The following CIT variants were observed in gnomAD, a reference collection of about 807,000 sequenced individuals.
CIT encodes citron rho-interacting serine/threonine kinase.
In CIT, 79 loss-of-function variants were observed where a neutral mutation model predicts 272.7. The observed-to-expected ratio is 0.29, with a 90% CI of 0.24 to 0.35. The LOEUF (loss-of-function observed/expected upper bound fraction) is 0.35. Among genes scored for constraint, CIT ranks in the 10% least tolerant of loss-of-function variants. CIT has a pLI of 1.00. For missense variants in CIT, 1,909 were observed against 2,618.3 expected (o/e 0.73, Z 5.91); for synonymous variants, 948 against 995.6 (o/e 0.95, Z 0.90).
At chr12:119,736,388 T>A (rs887084186) in intron 24 of CIT, among the ~76,000 whole-genome samples, 2 of 151,768 alleles carry the variant, frequency 1.3e-5, no homozygotes, top group Non-Finnish European at 2.9e-5. Flanking sequence ...ATTATCAATT[T>A]AAAAAAAAAT....
chr12:119,721,946 C>T (rs1318852862), intron 28 of CIT, among the ~76,000 whole-genome samples: 1 of 152,134 alleles, frequency 6.6e-6, no homozygotes, highest in African/African-American at 2.4e-5. Context: ...ATAAAGGTCC[C>T]ATTAGGGTAA....
chr12:119,849,848 G>T (rs1158313181), intron 5 of CIT, among the ~76,000 whole-genome samples: 2 of 152,026 alleles, frequency 1.3e-5, no homozygotes, highest in Non-Finnish European at 2.9e-5. Context: ...ACCATGCCCG[G>T]CTAATTTTTC....
intron 47 of CIT, among the ~76,000 whole-genome samples, 181 bp downstream of exon 47, chr12:119,689,970 C>T (rs1005632836): frequency 2.0e-5 from 3 of 152,324 alleles, no homozygotes; most frequent in South Asian, 4.1e-4. Flanking sequence ...TGAGCCACCA[C>T]GCCCGGCCAG....
In CIT at chr12:119,804,328, G is replaced by A; in HGVS notation, c.1112-939C>T. On this transcript the variant is annotated intron_variant, in intron 9 of 47. Transcript: ENST00000392521. This position sits in a 1 kb window ranked among gnomAD's most constrained non-coding sequence, Gnocchi z 5.3. ...TGTCCCCCGCCAGAAACGTTACCAT[G>A]GTTGCAAGCTGAGGCGTCCGTGGCG... 5 of 985,590 alleles carry A rather than the reference G, an allele frequency of 5.1e-6. No individual in the cohort carries two copies. Among genetic ancestry groups the A allele is most frequent in the Non-Finnish European group, 6.0e-6 (5 of 830,032 alleles). The allele number at this position is 985,590 out of a possible 1,614,324, so 61.1% of individuals were successfully genotyped here.
chr12:119,708,381 T>C, intron 39 of CIT, 63 bp from the exon 40 acceptor site: 1 of 1,406,412 alleles, frequency 7.1e-7, no homozygotes, highest in Non-Finnish European at 9.4e-7. Flanking sequence ...TACGGGATGG[T>C]GGTTCTAGTT....
intron 4 of CIT, among the ~76,000 whole-genome samples, chr12:119,852,676 G>A (rs1970305394): frequency 6.6e-6 from 1 of 151,656 alleles, no homozygotes; most frequent in South Asian, 2.1e-4. Flanking sequence ...ACTCTAGCCT[G>A]GGTGACAGAG....
At chr12:119,775,757 A>T in intron 16 of CIT, 29 bp downstream of exon 16, 1 of 1,582,452 alleles carries the variant, frequency 6.3e-7, no homozygotes, top group African/African-American at 1.3e-5. Flanking sequence ...GGTGGGGGGT[A>T]AGTTCCTGAA....
At chr12:119,751,677 T>C (rs1304081953) in intron 23 of CIT, among the ~76,000 whole-genome samples, 1 of 149,546 alleles carries the variant, frequency 6.7e-6, no homozygotes, top group African/African-American at 2.5e-5. Context: ...GAAAAACTAC[T>C]ATAAGATTAT....
chr12:119,789,993 G>A (rs769626404), intron 10 of CIT, among the ~76,000 whole-genome samples: 1 of 151,734 alleles, frequency 6.6e-6, no homozygotes, highest in Non-Finnish European at 1.5e-5. Flanking sequence ...GGATTACAGG[G>A]GTGAGCCACT....
rs369882255 is a variant in CIT at position 119,735,333 on chromosome 12, G to C, written c.2983C>G (p.Leu995Val). ...GCGTTGTCCTCGGTCAGCTGGTTTA[G>C]CTGCTCCTCCAGGTCTGTGATTACC... ...CTVITDLEEQ[L>V]NQLTEDNAEL... The change falls in exon 25 of 48, where the codon CTA becomes GTA. Residue 995 changes from leucine to valine, a missense_variant. Leu to Val is a conservative substitution (Grantham distance 32). Around this residue, in one of 8 missense-constraint regions of CIT, gnomAD observed 530 missense variants for 822.4 expected, o/e 0.64. Coordinates refer to ENST00000392521, the MANE Select transcript of CIT (RefSeq NM_001206999.2). 6.0e-5 allele frequency: 97 copies of C among 1,614,064 alleles called. No individual in the cohort carries two copies. The highest frequency in any genetic ancestry group is 7.5e-5 in the Non-Finnish European group (88 of 1,180,040).
At position 119,784,304 on chromosome 12, in the gene CIT, G is replaced by A; in HGVS notation, c.1402-253C>T. ...CTTGATCACTTCTCTAACCCAGTTAGCAAGGAAGCCACAATCATCATTTTT... is the reference window on the plus strand; with the variant it reads ...CTTGATCACTTCTCTAACCCAGTTAACAAGGAAGCCACAATCATCATTTTT... On this transcript the variant is annotated intron_variant, in intron 11 of 47. Transcript: ENST00000392521. The surrounding 1 kb of genome is among the most constrained non-coding windows in gnomAD (Gnocchi z 4.7). 3 of 1,507,666 alleles carry A rather than the reference G, an allele frequency of 2.0e-6. No homozygotes were observed. The highest frequency in any genetic ancestry group is 2.8e-5 in the African/African-American group (2 of 72,516). 93.4% of individuals were successfully genotyped at this position (1,507,666 alleles called of 1,614,324 possible).
At chr12:119,749,355 G>A (rs2137391813) in intron 23 of CIT, among the ~76,000 whole-genome samples, 1 of 152,292 alleles carries the variant, frequency 6.6e-6, no homozygotes, top group Non-Finnish European at 1.5e-5. Context: ...GCTTGTGCAG[G>A]GTCTCCACTC....
intron 23 of CIT, among the ~76,000 whole-genome samples, chr12:119,747,104 C>T (rs1370367157): frequency 1.3e-5 from 2 of 152,108 alleles, no homozygotes; most frequent in East Asian, 3.8e-4. Flanking sequence ...ATGTAGTATC[C>T]ACCTACACTT....
At position 119,720,413 on chromosome 12, in the gene CIT, T is replaced by A; in HGVS notation, c.3840+65A>T. 7.9e-6 allele frequency: 8 copies of A among 1,007,008 alleles called. No individual in the cohort carries two copies. In the South Asian group the frequency reaches 1.1e-4, roughly 14 times the overall value. The allele number at this position is 1,007,008 out of a possible 1,614,324, so 62.4% of individuals were successfully genotyped here. A position where few individuals can be genotyped will look rare whatever the true frequency, so the allele number is the denominator to read the frequency against. On this transcript the variant is annotated intron_variant, in intron 30 of 47. Transcript: ENST00000392521. ...TTCCTATGATCATATATCACAGTGG[T>A]GTCCACTGAGCCATGAATGATGAGT...
chr12:119,775,205 G>A (rs1397576467), intron 16 of CIT, among the ~76,000 whole-genome samples: 3 of 151,956 alleles, frequency 2.0e-5, no homozygotes, highest in East Asian at 1.9e-4. Context: ...CCCAGGAGGC[G>A]GAGGTTGCAG....
At chr12:119,796,953 G>A (rs1246918810) in intron 10 of CIT, among the ~76,000 whole-genome samples, 1 of 152,248 alleles carries the variant, frequency 6.6e-6, no homozygotes, top group Non-Finnish European at 1.5e-5. Context: ...AACGGCTTCT[G>A]AGACAGTCAT....
chr12:119,843,011 TAC>T (rs1969514670), intron 5 of CIT, among the ~76,000 whole-genome samples: 1 of 152,168 alleles, frequency 6.6e-6, no homozygotes, highest in East Asian at 1.9e-4. Context: ...GCAATGAGCG[TAC>T]AGTCAAAAGG....
intron 24 of CIT, among the ~76,000 whole-genome samples, chr12:119,736,874 C>T (rs1958795001): frequency 6.6e-6 from 1 of 152,094 alleles, no homozygotes. Context: ...CTAATTCCTC[C>T]CCCTACCTCT....
intron 24 of CIT, among the ~76,000 whole-genome samples, chr12:119,737,598 T>C (rs1958847605): frequency 6.6e-6 from 1 of 152,174 alleles, no homozygotes. Flanking sequence ...TATCACTCAA[T>C]TGAGATGGGC....
Sources: allele counts gnomAD v4.1 joint callset (sites outside exome capture counted in the v4.1 genomes callset), GRCh38; gene constraint gnomAD v4.1.1; regional missense constraint gnomAD v4.1.1; non-coding constraint Gnocchi (gnomAD v3.1); transcripts MANE v1.5; gene names NCBI Gene and HGNC (gene_info 2026-07-23, HGNC 2026-07-21).